The following FAT4 variants were observed in gnomAD, a reference collection of about 807,000 sequenced individuals.
FAT4 encodes FAT atypical cadherin 4.
A neutral mutation model predicts 303.9 loss-of-function variants in FAT4; 84 were observed. That is an observed-to-expected ratio of 0.28 (90% CI 0.23 to 0.33). The LOEUF (loss-of-function observed/expected upper bound fraction) is 0.33, where lower values mean the gene tolerates loss of function less well. FAT4 is among the 10% of genes least tolerant of loss of function. The pLI, the probability that FAT4 is intolerant of heterozygous loss-of-function variation, is 1.00. For missense variants in FAT4, 6,005 were observed against 6,146.8 expected, an observed-to-expected ratio of 0.98 and a Z score of 0.77; for synonymous variants, 2,307 against 2,298.8, an observed-to-expected ratio of 1.00 and a Z score of -0.10.
At position 125,315,480 on chromosome 4, in the gene FAT4, C is replaced by T. The variant is rs994826779; in HGVS notation, c.-510C>T. 6.6e-6 allele frequency among the ~76,000 whole-genome samples: 1 copy of T among 152,140 alleles called. No individual in the cohort carries two copies. Among genetic ancestry groups the T allele is most frequent in the Non-Finnish European group, 1.5e-5 (1 of 68,034 alleles). ...CTGGCATGGTGAGGGGAGGGCGACT[C>T]GGGGACCGCACGCTGTTTCTGCCCG... On this transcript the variant is annotated 5_prime_UTR_variant, in exon 1 of 18. Coordinates refer to ENST00000394329, the MANE Select transcript of FAT4 (RefSeq NM_001291303.3).
intron 7 of FAT4, among the ~76,000 whole-genome samples, chr4:125,418,818 T>C (rs1188546671): frequency 3.9e-5 from 6 of 152,198 alleles, no homozygotes; most frequent in Non-Finnish European, 7.3e-5. Context: ...AAAGCAGTTA[T>C]GTCCTTCATA....
chr4:125,481,071 A>G (rs1727207713), intron 15 of FAT4, among the ~76,000 whole-genome samples: 1 of 152,244 alleles, frequency 6.6e-6, no homozygotes, highest in Admixed American at 6.5e-5. Flanking sequence ...TTACCGATGT[A>G]AATACTTGAT....
chr4:125,487,200 T>C (rs981825280), intron 16 of FAT4, 145 bp from the exon 17 acceptor site: 34 of 619,300 alleles, frequency 5.5e-5, no homozygotes, highest in Admixed American at 1.0e-4. Flanking sequence ...AGAGACAAAG[T>C]GTGTAAGTAT....
intron 7 of FAT4, among the ~76,000 whole-genome samples, chr4:125,433,367 G>A (rs1189785992): frequency 6.6e-6 from 1 of 152,126 alleles, no homozygotes; most frequent in Non-Finnish European, 1.5e-5. Flanking sequence ...TTACATAAAT[G>A]CAGTTAAATG....
intron 3 of FAT4, 71 bp from the exon 4 acceptor site, chr4:125,406,809 G>A (rs551234242): frequency 5.2e-6 from 8 of 1,524,400 alleles, no homozygotes; most frequent in Non-Finnish European, 7.1e-6. Context: ...TCAAATACAT[G>A]TTCAAAAGAA....
chr4:125,328,231 G>T (rs1731234799), intron 2 of FAT4, among the ~76,000 whole-genome samples: 1 of 152,270 alleles, frequency 6.6e-6, no homozygotes, highest in African/African-American at 2.4e-5. Context: ...ATGCAGACAG[G>T]TGAAAATATT....
rs769986576 is a variant in FAT4 at position 125,434,330 on chromosome 4, G to A, written c.7104G>A (p.Ala2368=). The change falls in exon 8 of 18, where the codon GCG becomes GCA. Residue 2368 remains alanine, a synonymous_variant. Transcript: ENST00000394329. The part of the protein sequence containing the change: ...NDNVPTFASK[A]YFTTIPEDAP... The stretch of plus-strand genomic sequence containing the variant: ...ATGTCCCCACATTTGCCAGTAAAGC[G>A]TATTTCACAACAATTCCTGAGGATG... 9 of 1,613,990 alleles carry A rather than the reference G, an allele frequency of 5.6e-6. No homozygotes were observed. Among genetic ancestry groups the A allele is most frequent in the Admixed American group, 1.7e-5 (1 of 60,012 alleles).
intron 2 of FAT4, among the ~76,000 whole-genome samples, chr4:125,343,742 A>G (rs1731888509): frequency 6.6e-6 from 1 of 152,182 alleles, no homozygotes. Flanking sequence ...AAGAGGATAC[A>G]AAGTAAATTA....
At chr4:125,456,692 G>T (rs1261228378) in intron 10 of FAT4, among the ~76,000 whole-genome samples, 1 of 152,086 alleles carries the variant, frequency 6.6e-6, no homozygotes, top group African/African-American at 2.4e-5. Flanking sequence ...ATCATTCTGA[G>T]TTATTCTTTT....
chr4:125,347,803 A>G (rs1322257731), intron 2 of FAT4, among the ~76,000 whole-genome samples: 1 of 151,858 alleles, frequency 6.6e-6, no homozygotes, highest in Non-Finnish European at 1.5e-5. Flanking sequence ...ACTTTATAGT[A>G]GGACCTCTGA....
chr4:125,327,305 G>T (rs1731196157), intron 2 of FAT4, among the ~76,000 whole-genome samples: 1 of 152,166 alleles, frequency 6.6e-6, no homozygotes, highest in Admixed American at 6.5e-5. Flanking sequence ...AGTCACTGGA[G>T]TTTAAGAAGG....
intron 2 of FAT4, among the ~76,000 whole-genome samples, chr4:125,356,146 G>A (rs1732413891): frequency 6.6e-6 from 1 of 152,036 alleles, no homozygotes; most frequent in Non-Finnish European, 1.5e-5. Context: ...ACCACTCAGA[G>A]TGGCCTTATC....
Position 125,490,215 on chromosome 4 carries a change from G to T in FAT4, c.13399G>T (p.Val4467Leu). ...DSHTGRTCEM[V>L]VACLGVLCPQ... is the part of the protein sequence containing the mutation. ...GCACACGGGAAGGACCTGTGAGATG[G>T]TGGTGGCCTGTCTTGGCGTCCTCTG... The change falls in exon 18 of 18, where the codon GTG becomes TTG. Residue 4467 changes from valine to leucine, a missense_variant. By Grantham distance (32) the Val-to-Leu change is conservative. Transcript: ENST00000394329. The T allele has an allele frequency of 1.2e-6, 2 of 1,614,196 alleles. No homozygotes were observed. The highest frequency in any genetic ancestry group is 1.1e-5 in the South Asian group (1 of 91,086).
intron 8 of FAT4, among the ~76,000 whole-genome samples, chr4:125,442,336 G>T (rs147007035): frequency 6.6e-5 from 10 of 151,536 alleles, no homozygotes; most frequent in Non-Finnish European, 1.0e-4. Flanking sequence ...ATATCTTTCT[G>T]TCATAAAGGA....
intron 12 of FAT4, among the ~76,000 whole-genome samples, chr4:125,473,243 T>C (rs1201210293): frequency 1.3e-5 from 2 of 152,094 alleles, no homozygotes; most frequent in African/African-American, 4.8e-5. Context: ...AACCCACATA[T>C]AACCTTTTGA....
At chr4:125,396,916 A>AT (rs1468555607) in intron 2 of FAT4, among the ~76,000 whole-genome samples, 4 of 50,726 alleles carry the variant, frequency 7.9e-5, no homozygotes, top group African/African-American at 4.0e-4. Context: ...ATGTATGTGT[A>AT]TGTGTGTGTG....
At chr4:125,347,363 C>T (rs909087620) in intron 2 of FAT4, among the ~76,000 whole-genome samples, 5 of 151,256 alleles carry the variant, frequency 3.3e-5, no homozygotes, top group African/African-American at 4.8e-5. Flanking sequence ...TCTGTATAGT[C>T]ATATTTACAG....
chr4:125,316,468 A>G lies in FAT4; in HGVS notation c.57A>G (p.Leu19=), dbSNP rs766800954. The G allele has an allele frequency of 3.1e-6, 5 of 1,613,818 alleles. No homozygotes were observed. The highest frequency in any genetic ancestry group is 1.1e-5 in the South Asian group (1 of 91,068). The stretch of plus-strand genomic sequence containing the variant: ...GCCCGTGGCTCCCGTTGCACACTCT[A>G]TCAGTATCTCAGCTCCTTCGAGTGT... ...TGRPWLPLHT[L]SVSQLLRVFW... is the part of the protein sequence containing the mutation. Residue 19 remains leucine, a synonymous_variant, in exon 2 of 18, where the codon CTA becomes CTG. Coordinates refer to ENST00000394329, the MANE Select transcript of FAT4 (RefSeq NM_001291303.3). This position sits in a 1 kb window ranked among gnomAD's most constrained non-coding sequence, Gnocchi z 5.7.
In FAT4 at chr4:125,452,517, C is replaced by G; in HGVS notation, c.11507C>G (p.Pro3836Arg). 1 of 1,614,048 alleles carries G rather than the reference C, an allele frequency of 6.2e-7. No individual in the cohort carries two copies. The highest frequency in any genetic ancestry group is 8.5e-7 in the Non-Finnish European group (1 of 1,180,030). Residue 3836 changes from proline to arginine, a missense_variant, in exon 10 of 18, where the codon CCA (proline) becomes CGA (arginine). Pro to Arg is a moderately radical substitution (Grantham distance 103, BLOSUM62 -2). Transcript: ENST00000394329. ...SSVLKSRESLPVIIVANEPLQ... is the reference protein window; with the variant it reads ...SSVLKSRESLRVIIVANEPLQ... ...GTATTAAAAAGCCGTGAGAGTCTTC[C>G]AGTCATCATCGTGGCAAATGAACCT...
Sources: gnomAD v4.1 joint callset for allele counts (sites outside exome capture counted in the v4.1 genomes callset) on GRCh38, gnomAD v4.1.1 for gene constraint, Gnocchi (gnomAD v3.1) non-coding constraint, MANE v1.5 for transcripts, NCBI Gene and HGNC (gene_info 2026-07-23, HGNC 2026-07-21) for gene names.